The following KCNT1 variants were observed in gnomAD, a reference collection of about 807,000 sequenced individuals.
The protein encoded by KCNT1 is potassium sodium-activated channel subfamily T member 1.
In KCNT1, 78 loss-of-function variants were observed where a neutral mutation model predicts 147.8. The observed-to-expected ratio is 0.53, with a 90% CI of 0.44 to 0.64. The LOEUF (loss-of-function observed/expected upper bound fraction) is 0.64, where lower values mean the gene tolerates loss of function less well. Ranked by LOEUF, KCNT1 falls within the 30% of genes least tolerant of loss-of-function variation. The pLI is 0.00. For synonymous variants in KCNT1, 867 were observed against 748.8 expected (o/e 1.16, Z -2.58); for missense variants, 1,419 against 1,750.3 (o/e 0.81, Z 3.38).
At chr9:135,771,135 C>G in intron 18 of KCNT1, 40 bp downstream of exon 18, 7 of 1,560,358 alleles carry the variant, frequency 4.5e-6, no homozygotes, top group Non-Finnish European at 6.1e-6. Context: ...TGGGCCTGCT[C>G]CTTTGGCGGG....
At chr9:135,774,312 CTGTGTGT>C (rs1832977842) in intron 19 of KCNT1, among the ~76,000 whole-genome samples, 1 of 114,210 alleles carries the variant, frequency 8.8e-6, no homozygotes, top group African/African-American at 3.5e-5. Context: ...TGTCTGTGTG[CTGTGTGT>C]TGTGTGTCTG....
rs186946354 is a variant in KCNT1 at position 135,749,923 on chromosome 9, C to T, written c.255-175C>T. Among the ~76,000 whole-genome samples the T allele has an allele frequency of 1.4e-4, 21 of 152,194 alleles. No individual in the cohort carries two copies. In the East Asian group the frequency reaches 2.1e-3, roughly 15 times the overall value. The stretch of plus-strand genomic sequence containing the variant: ...TGGGTCGGCTGTCTGCTGGGTGTGA[C>T]GGACCCCAGGACCCTCCTGGGTCTG... On this transcript the variant is annotated intron_variant, in intron 2 of 30. Transcript: ENST00000371757.
intron 29 of KCNT1, among the ~76,000 whole-genome samples, chr9:135,788,370 CTGAGGT>C (rs1834233335): frequency 6.6e-6 from 1 of 152,384 alleles, no homozygotes; most frequent in Non-Finnish European, 1.5e-5. Flanking sequence ...GGGCCTGAGG[CTGAGGT>C]CTGGGGCTTG....
At chr9:135,759,499 G>A (rs1026410427) in intron 10 of KCNT1, among the ~76,000 whole-genome samples, 180 bp from the exon 11 acceptor site, 4 of 152,232 alleles carry the variant, frequency 2.6e-5, no homozygotes, top group Admixed American at 1.3e-4. Context: ...AGAGCTTGGG[G>A]ACAGATGGGC....
intron 1 of KCNT1, among the ~76,000 whole-genome samples, chr9:135,704,886 C>T (rs977408033): frequency 2.0e-5 from 3 of 152,208 alleles, no homozygotes; most frequent in South Asian, 2.1e-4. Flanking sequence ...GCAGGAGGGA[C>T]GGCTCAGGCC....
In KCNT1 at chr9:135,784,102, A is replaced by G. The variant is rs995203432; in HGVS notation, c.2920A>G (p.Met974Val). 6.2e-7 allele frequency: 1 copy of G among 1,605,024 alleles called. No individual in the cohort carries two copies. The highest frequency in any genetic ancestry group is 8.5e-7 in the Non-Finnish European group (1 of 1,179,930). ...FAAGRVFSIS[M>V]LDTLLYQSFV... Reference sequence around the variant, plus strand: ...CGCCGGCCGCGTCTTCAGCATCAGCATGTTGGACACACTGCTCTACCAGGT... The same window carrying G: ...CGCCGGCCGCGTCTTCAGCATCAGCGTGTTGGACACACTGCTCTACCAGGT... The change falls in exon 25 of 31, where the codon ATG (methionine) becomes GTG (valine). Residue 974 changes from methionine (M) to valine (V), a missense_variant. Coordinates refer to ENST00000371757, the MANE Select transcript of KCNT1 (RefSeq NM_020822.3).
At chr9:135,729,919 G>A (rs1377965763) in intron 2 of KCNT1, among the ~76,000 whole-genome samples, 1 of 152,168 alleles carries the variant, frequency 6.6e-6, no homozygotes, top group African/African-American at 2.4e-5. Context: ...ACCTCAAGGT[G>A]GCCTGTGGCT....
At chr9:135,742,466 G>T (rs943630204) in intron 2 of KCNT1, among the ~76,000 whole-genome samples, 24 of 152,208 alleles carry the variant, frequency 1.6e-4, no homozygotes. Context: ...GAGGGTGCAT[G>T]CGCGGGGACC....
Position 135,750,408 on chromosome 9 carries a change from G to C in KCNT1, c.334+231G>C, listed in dbSNP as rs11103162. 0.13 allele frequency: 75,351 copies of C among 578,710 alleles called. 5,599 individuals carry two copies. The highest frequency in any genetic ancestry group is 0.16 in the South Asian group (8,333 of 51,436). 35.8% of individuals were successfully genotyped at this position (578,710 alleles called of 1,614,324 possible). A position where few individuals can be genotyped will look rare whatever the true frequency, so the allele number is the denominator to read the frequency against. On this transcript the variant is annotated intron_variant, in intron 3 of 30. Transcript: ENST00000371757. ...CACACTGTCTGAGACCAGGGCCTCT[G>C]CAGCGGGACTCGTGGGGACACCGTC...
intron 24 of KCNT1, among the ~76,000 whole-genome samples, chr9:135,782,952 AG>A (rs1833720072): frequency 6.6e-6 from 1 of 152,152 alleles, no homozygotes; most frequent in Admixed American, 6.5e-5. Flanking sequence ...GCGAACCCGG[AG>A]GAAAAGGGGC....
chr9:135,757,069 T>C, intron 7 of KCNT1, 87 bp from the exon 8 acceptor site: 1 of 1,053,928 alleles, frequency 9.5e-7, no homozygotes, highest in Non-Finnish European at 1.4e-6. Flanking sequence ...GGTGGGCTCC[T>C]CGCCCTCTTC....
Position 135,768,247 on chromosome 9 carries a change from GGGGGGGGGGGC to G in KCNT1, c.1338-362_1338-352del, listed in dbSNP as rs1564366289. Reference sequence around the variant, plus strand: ...AGAGGCCCAGGATGCCTGCGGGGGGGGGGGGGGGGGCACTGGGATACCGGTGGGGGGGGCAC... The same window carrying G: ...AGAGGCCCAGGATGCCTGCGGGGGGGACTGGGATACCGGTGGGGGGGGCAC... On this transcript the variant is annotated intron_variant, in intron 13 of 30. Coordinates refer to ENST00000371757, the MANE Select transcript of KCNT1 (RefSeq NM_020822.3). Among the ~76,000 whole-genome samples, 4 of 39,450 alleles carry G rather than the reference GGGGGGGGGGGC, an allele frequency of 1.0e-4. 1 individual carries two copies. In the East Asian group the frequency reaches 1.5e-3, roughly 15 times the overall value. The allele number at this position is 39,450 out of a possible 152,430, so 25.9% of individuals were successfully genotyped here. A position where few individuals can be genotyped will look rare whatever the true frequency, so the allele number is the denominator to read the frequency against.
At chr9:135,725,406 AC>A (rs890171719) in intron 2 of KCNT1, among the ~76,000 whole-genome samples, 2 of 152,184 alleles carry the variant, frequency 1.3e-5, no homozygotes, top group Non-Finnish European at 2.9e-5. Context: ...GAAGGAACAA[AC>A]CCAGAGACAC....
intron 2 of KCNT1, among the ~76,000 whole-genome samples, chr9:135,731,469 C>G (rs1057220475): frequency 1.3e-5 from 2 of 152,192 alleles, no homozygotes; most frequent in African/African-American, 2.4e-5. Context: ...GCTGCCCACC[C>G]ACCCTTTCAT....
At position 135,750,084 on chromosome 9, in the gene KCNT1, C is replaced by G; in HGVS notation, c.255-14C>G. 6.2e-7 allele frequency: 1 copy of G among 1,612,288 alleles called. No individual in the cohort carries two copies. The highest frequency in any genetic ancestry group is 8.5e-7 in the Non-Finnish European group (1 of 1,178,490). Reference sequence around the variant, plus strand: ...ACTGGCCCTGAGCCTCCATGCCCCTCTCTGCTTCTTCAGGGTCCAGGTGGA... The same window carrying G: ...ACTGGCCCTGAGCCTCCATGCCCCTGTCTGCTTCTTCAGGGTCCAGGTGGA... On this transcript the variant is annotated splice_polypyrimidine_tract_variant and intron_variant, in intron 2 of 30. Transcript: ENST00000371757.
intron 13 of KCNT1, among the ~76,000 whole-genome samples, chr9:135,766,392 G>T (rs1010606183): frequency 2.0e-5 from 3 of 152,028 alleles, no homozygotes; most frequent in Non-Finnish European, 2.9e-5. Context: ...GGATCATCTG[G>T]GGTGGACCAT....
At chr9:135,769,360 C>T (rs1395271625) in intron 15 of KCNT1, among the ~76,000 whole-genome samples, 5 of 152,202 alleles carry the variant, frequency 3.3e-5, no homozygotes, top group Admixed American at 2.0e-4. Flanking sequence ...CGCAGTTAGG[C>T]GAGCTGTGTG....
intron 3 of KCNT1, 52 bp downstream of exon 3, chr9:135,750,229 C>T: frequency 6.8e-7 from 1 of 1,473,318 alleles, no homozygotes; most frequent in Non-Finnish European, 9.5e-7. Flanking sequence ...GTTGAGGGCG[C>T]CGGGAGCAAG....
At chr9:135,731,960 GTATATATATATATATA>G (rs776201547) in intron 2 of KCNT1, among the ~76,000 whole-genome samples, 8,667 of 41,676 alleles carry the variant, frequency 0.21, 1,262 homozygotes, top group South Asian at 0.3. Flanking sequence ...AAATATGCGT[GTATATATATATATATA>G]TATATATATA....
Sources: allele counts gnomAD v4.1 joint callset (sites outside exome capture counted in the v4.1 genomes callset), GRCh38; gene constraint gnomAD v4.1.1; transcripts MANE v1.5; gene names NCBI Gene and HGNC (gene_info 2026-07-23, HGNC 2026-07-21).